VPS50: variants seen among roughly 807,000 people sequenced by gnomAD.
The protein encoded by VPS50 is VPS50 subunit of EARP/GARPII complex, also known as syndetin.
A neutral mutation model predicts 139.7 loss-of-function variants in VPS50; 70 were observed. The observed-to-expected ratio is 0.50, with a 90% CI of 0.41 to 0.61. The LOEUF is 0.61. Among genes scored for constraint, VPS50 ranks in the 20% least tolerant of loss-of-function variants. The probability of loss-of-function intolerance (pLI) is 0.00; values close to 1 mark genes in which losing one functional copy is unlikely to be tolerated. For synonymous variants in VPS50, 365 were observed against 376.7 expected, an observed-to-expected ratio of 0.97 and a Z score of 0.36; for missense variants, 921 against 1,133.7, an observed-to-expected ratio of 0.81 and a Z score of 2.69.
chr7:93,337,774 C>CT (rs1043918462), intron 22 of VPS50, among the ~76,000 whole-genome samples: 7 of 152,090 alleles, frequency 4.6e-5, no homozygotes, highest in Non-Finnish European at 7.4e-5. Context: ...TCTGTGCTCA[C>CT]TTAACCTGTA....
At chr7:93,348,366 G>A (rs562094008) in intron 23 of VPS50, among the ~76,000 whole-genome samples, 1 of 152,168 alleles carries the variant, frequency 6.6e-6, no homozygotes, top group African/African-American at 2.4e-5. Flanking sequence ...ATCTTTAAAA[G>A]AAATCCTTTA....
At chr7:93,335,428 T>C (rs991158865) in intron 22 of VPS50, among the ~76,000 whole-genome samples, 6 of 152,194 alleles carry the variant, frequency 3.9e-5, no homozygotes, top group African/African-American at 7.2e-5. Context: ...CTTCAGTAAA[T>C]GTTCATAGAG....
chr7:93,279,248 A>G (rs1796253425), intron 12 of VPS50, among the ~76,000 whole-genome samples: 1 of 152,202 alleles, frequency 6.6e-6, no homozygotes, highest in Non-Finnish European at 1.5e-5. Flanking sequence ...ATTTTATAAT[A>G]TTGAGTCATA....
In VPS50 at chr7:93,315,081, A is replaced by C. The variant is rs562472447; in HGVS notation, c.1855+3809A>C. 5.3e-5 allele frequency among the ~76,000 whole-genome samples: 8 copies of C among 152,262 alleles called. No individual in the cohort carries two copies. In the South Asian group the frequency reaches 8.3e-4, roughly 16 times the overall value. ...CATTAGTGTTAGTACAAATATATTT[A>C]ATACGTATATCTCCTCTCTCCTATT... On this transcript the variant is annotated intron_variant, in intron 20 of 27. Coordinates refer to ENST00000305866, the MANE Select transcript of VPS50 (RefSeq NM_017667.4).
intron 22 of VPS50, among the ~76,000 whole-genome samples, chr7:93,337,422 C>A (rs890355499): frequency 6.6e-6 from 1 of 152,176 alleles, no homozygotes. Flanking sequence ...GATATACCCT[C>A]TCCTTGACTT....
intron 13 of VPS50, among the ~76,000 whole-genome samples, chr7:93,293,199 A>C (rs1004777923): frequency 6.6e-6 from 1 of 152,178 alleles, no homozygotes; most frequent in African/African-American, 2.4e-5. Flanking sequence ...AATGAAATGG[A>C]TCAAGAGATA....
chr7:93,350,809 T>G (rs1798535794), intron 25 of VPS50, among the ~76,000 whole-genome samples: 1 of 152,126 alleles, frequency 6.6e-6, no homozygotes, highest in Non-Finnish European at 1.5e-5. Flanking sequence ...AGATGAGGCC[T>G]GAGGGAAGTA....
chr7:93,253,585 G>C (rs1261609660), intron 3 of VPS50, among the ~76,000 whole-genome samples: 1 of 152,190 alleles, frequency 6.6e-6, no homozygotes, highest in South Asian at 2.1e-4. Context: ...AGAGTCCCCA[G>C]TGGTAGTGGG....
chr7:93,261,677 CAAAAAAA>C (rs71107890), intron 9 of VPS50, among the ~76,000 whole-genome samples: 2 of 62,196 alleles, frequency 3.2e-5, no homozygotes, highest in African/African-American at 1.2e-4. Flanking sequence ...GACTCCGTCT[CAAAAAAA>C]AAAAAAAAAA....
At chr7:93,298,741 G>T (rs113548343) in intron 16 of VPS50, among the ~76,000 whole-genome samples, 1 of 152,202 alleles carries the variant, frequency 6.6e-6, no homozygotes, top group African/African-American at 2.4e-5. Context: ...AGAAATGAAT[G>T]ACTTAAATCT....
intron 20 of VPS50, among the ~76,000 whole-genome samples, chr7:93,312,650 A>G: frequency 6.6e-6 from 1 of 151,660 alleles, no homozygotes; most frequent in South Asian, 2.1e-4. Flanking sequence ...CTATTCTTCT[A>G]TTTCTTCTAT....
chr7:93,311,038 T>C (rs973803330), intron 19 of VPS50, 128 bp from the exon 20 acceptor site: 1 of 640,618 alleles, frequency 1.6e-6, no homozygotes, highest in African/African-American at 1.9e-5. Flanking sequence ...AATTTCTATA[T>C]CTTTACCTAA....
rs980019470 is a variant in VPS50, at chr7:93,359,570, C to T, written c.*1134C>T. 1 of 152,064 alleles carries T rather than the reference C, an allele frequency of 6.6e-6. No homozygotes were observed. Among genetic ancestry groups the T allele is most frequent in the South Asian group, 2.1e-4 (1 of 4,824 alleles). 9.4% of individuals were successfully genotyped at this position (152,064 alleles called of 1,614,324 possible). On this transcript the variant is annotated 3_prime_UTR_variant, in exon 28 of 28. Coordinates refer to ENST00000305866, the MANE Select transcript of VPS50 (RefSeq NM_017667.4). ...TCTGATAAGGAATTTTGTGTGTGTTCTTTCTGACTGGAGAGTGGAGGACAT... is the reference window on the plus strand; with the variant it reads ...TCTGATAAGGAATTTTGTGTGTGTTTTTTCTGACTGGAGAGTGGAGGACAT...
chr7:93,262,953 C>T (rs1009787648), intron 9 of VPS50, among the ~76,000 whole-genome samples: 14 of 152,284 alleles, frequency 9.2e-5, no homozygotes, highest in African/African-American at 2.6e-4. Flanking sequence ...ATGTGGGTCA[C>T]GTTGAGTCCA....
intron 23 of VPS50, among the ~76,000 whole-genome samples, chr7:93,344,733 G>A (rs1462955253): frequency 6.6e-6 from 1 of 151,668 alleles, no homozygotes; most frequent in Non-Finnish European, 1.5e-5. Context: ...TAACTACTGG[G>A]TACATAACGA....
intron 12 of VPS50, among the ~76,000 whole-genome samples, chr7:93,285,250 ATC>A (rs1211042290): frequency 6.6e-6 from 1 of 152,190 alleles, no homozygotes; most frequent in East Asian, 1.9e-4. Flanking sequence ...ATGCCAAAAC[ATC>A]TGTTCCCTTT....
chr7:93,315,224 A>G (rs945116121), intron 20 of VPS50, among the ~76,000 whole-genome samples: 5 of 152,170 alleles, frequency 3.3e-5, no homozygotes, highest in Admixed American at 2.0e-4. Flanking sequence ...TGTATTACCT[A>G]TCTTAGTATG....
At chr7:93,270,639 A>G (rs780394431) in intron 9 of VPS50, among the ~76,000 whole-genome samples, 6 of 151,890 alleles carry the variant, frequency 4.0e-5, no homozygotes, top group Non-Finnish European at 7.4e-5. Flanking sequence ...GTTTCAGTAG[A>G]TATTAGGGTT....
At chr7:93,277,504 A>G (rs764281673) in intron 12 of VPS50, among the ~76,000 whole-genome samples, 7 of 152,272 alleles carry the variant, frequency 4.6e-5, no homozygotes, top group Admixed American at 2.6e-4. Context: ...TCATCCTTCA[A>G]TGAATTTCTT....
Sources: allele counts gnomAD v4.1 joint callset (sites outside exome capture counted in the v4.1 genomes callset), GRCh38; gene constraint gnomAD v4.1.1; transcripts MANE v1.5; gene names NCBI Gene and HGNC (gene_info 2026-07-23, HGNC 2026-07-21).